The following GAGE10 variants were observed in gnomAD, a reference collection of about 807,000 sequenced individuals.
GAGE10 encodes G antigen 10.
GAGE10 carries 9 observed loss-of-function variants against 11.5 expected under a neutral mutation model. That is an observed-to-expected ratio of 0.78 (90% CI 0.47 to 1.37). GAGE10 has a LOEUF of 1.37. GAGE10 is among the 40% of genes most tolerant of loss of function. The pLI, the probability that GAGE10 is intolerant of heterozygous loss-of-function variation, is 0.00. For synonymous variants in GAGE10, 23 were observed against 29.7 expected (o/e 0.77, Z 0.73); for missense variants, 83 against 92.9 (o/e 0.89, Z 0.44).
In GAGE10 at chrX:49,317,196, T is replaced by G. The variant is rs202030448; in HGVS notation, c.236T>G (p.Val79Gly). ...CCTGAAGCTGATAGCCAGGAACAGGTTCACCCAAAGACTGGGTGTGAGTGT... is the reference window on the plus strand; with the variant it reads ...CCTGAAGCTGATAGCCAGGAACAGGGTCACCCAAAGACTGGGTGTGAGTGT... ...PKPEADSQEQ[V>G]HPKTGCECGD... is the part of the protein sequence containing the mutation. The change falls in exon 4 of 5, where the codon GTT becomes GGT. Residue 79 changes from valine to glycine, a missense_variant. Coordinates refer to ENST00000407599, the MANE Select transcript of GAGE10 (RefSeq NM_001098413.4). 4.6e-5 allele frequency: 55 copies of G among 1,204,633 alleles called. 1 individual carries two copies. In the Admixed American group the frequency reaches 1.0e-3, roughly 22 times the overall value.
intron 3 of GAGE10, among the ~76,000 whole-genome samples, chrX:49,314,288 A>G (rs782240811): frequency 1.8e-5 from 2 of 112,410 alleles, no homozygotes; most frequent in East Asian, 5.6e-4. Context: ...TTAAGAACCT[A>G]CACATACAAC....
chrX:49,306,514 C>G (rs1490113833), intron 3 of GAGE10, among the ~76,000 whole-genome samples: 3 of 112,035 alleles, frequency 2.7e-5, no homozygotes, highest in Non-Finnish European at 5.6e-5. Context: ...GTAAGATTTT[C>G]CATAGTCCTC....
At chrX:49,317,499 C>G (rs781927908) in intron 4 of GAGE10, among the ~76,000 whole-genome samples, 2 of 111,570 alleles carry the variant, frequency 1.8e-5, no homozygotes, top group East Asian at 5.6e-4. Context: ...GGACATACAC[C>G]AATGTGCCCA....
chrX:49,307,302 C>T (rs1239381152), intron 3 of GAGE10, among the ~76,000 whole-genome samples: 1 of 111,514 alleles, frequency 9.0e-6, no homozygotes, highest in Non-Finnish European at 1.9e-5. Flanking sequence ...GTGTTATGAC[C>T]CTTTACACCA....
intron 3 of GAGE10, among the ~76,000 whole-genome samples, chrX:49,315,337 A>G (rs782033014): frequency 2.7e-5 from 3 of 112,239 alleles, no homozygotes; most frequent in Non-Finnish European, 5.6e-5. Flanking sequence ...AAATAGACAC[A>G]AATGTCAAAA....
At chrX:49,319,328 C>A (rs2147990615) in intron 4 of GAGE10, among the ~76,000 whole-genome samples, 2 of 113,232 alleles carry the variant, frequency 1.8e-5, no homozygotes, top group South Asian at 6.9e-4. Context: ...ACGATATAAT[C>A]ATCTCTAATC....
rs185063554 is a variant in GAGE10 at position 49,313,132 on chromosome X, C to A, written c.203-4031C>A. 2.3e-3 allele frequency among the ~76,000 whole-genome samples: 259 copies of A among 112,092 alleles called. 2 individuals are homozygous for A. The highest frequency in any genetic ancestry group is 7.9e-3 in the African/African-American group (243 of 30,859). On this transcript the variant is annotated intron_variant, in intron 3 of 4. Transcript: ENST00000407599. ...AAAGGTGCTACTAAAAGACATCATACCAAGATTTGGGTTGCCTTTAACCCT... is the reference window on the plus strand; with the variant it reads ...AAAGGTGCTACTAAAAGACATCATAACAAGATTTGGGTTGCCTTTAACCCT...
In GAGE10 at chrX:49,303,675, G is replaced by T. The variant is rs1336050505; in HGVS notation, c.-87G>T. ...TCTGCTCAGCCGCTTTACCCACGTG[G>T]AGAACGCCAGGGAGCTGTGAGGGTG... On this transcript the variant is annotated 5_prime_UTR_variant, in exon 1 of 5. Coordinates refer to ENST00000407599, the MANE Select transcript of GAGE10 (RefSeq NM_001098413.4). 1.5e-4 allele frequency: 17 copies of T among 112,955 alleles called. No individual in the cohort carries two copies. Among genetic ancestry groups the T allele is most frequent in the African/African-American group, 4.8e-4 (15 of 31,045 alleles). 9.3% of individuals were successfully genotyped at this position (112,955 alleles called of 1,213,427 possible).
At chrX:49,307,540 G>A (rs1287201497) in intron 3 of GAGE10, among the ~76,000 whole-genome samples, 2 of 108,510 alleles carry the variant, frequency 1.8e-5, no homozygotes, top group Non-Finnish European at 3.8e-5. Flanking sequence ...GTGCAGTAGT[G>A]CAATCTTGGC....
At chrX:49,304,982 A>C in intron 2 of GAGE10, 42 bp downstream of exon 2, 1 of 1,169,718 alleles carries the variant, frequency 8.5e-7, no homozygotes, top group Middle Eastern at 2.7e-4. Context: ...TATTAGCAGA[A>C]ATTAATTTTT....
intron 4 of GAGE10, among the ~76,000 whole-genome samples, chrX:49,318,927 G>A (rs868986110): frequency 5.6e-4 from 56 of 100,502 alleles, no homozygotes; most frequent in Non-Finnish European, 8.8e-4. Flanking sequence ...AGTATTCCAT[G>A]GTGTATATGT....
At chrX:49,307,224 T>TCA (rs1326455839) in intron 3 of GAGE10, among the ~76,000 whole-genome samples, 9 of 110,510 alleles carry the variant, frequency 8.1e-5, no homozygotes, top group East Asian at 2.8e-4. Flanking sequence ...TCCCACACAC[T>TCA]CACACACACA....
chrX:49,317,417 G>A (rs1175605554), intron 4 of GAGE10, 129 bp downstream of exon 4: 7 of 1,012,048 alleles, frequency 6.9e-6, no homozygotes, highest in Admixed American at 5.9e-5. Context: ...GTGGCATCTC[G>A]GCTCATTGGA....
chrX:49,307,099 T>A, intron 3 of GAGE10, among the ~76,000 whole-genome samples: 1 of 111,903 alleles, frequency 8.9e-6, no homozygotes, highest in Admixed American at 9.5e-5. Flanking sequence ...GGCATAACAT[T>A]ATGGAAAATT....
intron 1 of GAGE10, among the ~76,000 whole-genome samples, chrX:49,304,248 C>T (rs5906770): frequency 8.0e-5 from 9 of 111,977 alleles, no homozygotes; most frequent in Non-Finnish European, 1.7e-4. Flanking sequence ...TGAGAAGCAT[C>T]GCAAGATCTC....
chrX:49,304,170 G>T (rs1268921239), intron 1 of GAGE10, among the ~76,000 whole-genome samples: 3 of 111,982 alleles, frequency 2.7e-5, no homozygotes, highest in Non-Finnish European at 3.8e-5. Context: ...ATAAAGAAGG[G>T]ACCTGGCACC....
At chrX:49,304,529 A>G (rs1220895487) in intron 1 of GAGE10, among the ~76,000 whole-genome samples, 1 of 112,601 alleles carries the variant, frequency 8.9e-6, no homozygotes, top group Non-Finnish European at 1.9e-5. Context: ...TCCCTTGAGC[A>G]GGAGGTCGAT....
At chrX:49,305,980 A>G (rs1267713368) in intron 3 of GAGE10, among the ~76,000 whole-genome samples, 1 of 111,783 alleles carries the variant, frequency 8.9e-6, no homozygotes, top group East Asian at 2.8e-4. Context: ...AGCAGCTCCA[A>G]AAACCGAGTC....
Position 49,317,280 on chromosome X carries a change from C to A in GAGE10, c.320C>A (p.Pro107His). The part of the protein sequence containing the change: ...GLPNPEEVKR[P>H]EEGEKQSQC ...CCAAATCCAGAGGAGGTGAAAAGGCCTGAAGAAGGTAGGGAATCCATTAGG... is the reference window on the plus strand; with the variant it reads ...CCAAATCCAGAGGAGGTGAAAAGGCATGAAGAAGGTAGGGAATCCATTAGG... Residue 107 changes from proline (P) to histidine (H), a missense_variant, in exon 4 of 5, where the codon CCT (proline) becomes CAT (histidine). Transcript: ENST00000407599. The A allele has an allele frequency of 3.3e-6, 4 of 1,205,646 alleles. No homozygotes were observed. The highest frequency in any genetic ancestry group is 4.4e-5 in the Admixed American group (2 of 45,786).
Sources: gnomAD v4.1 joint callset for allele counts (sites outside exome capture counted in the v4.1 genomes callset) on GRCh38, gnomAD v4.1.1 for gene constraint, MANE v1.5 for transcripts, NCBI Gene and HGNC (gene_info 2026-07-23, HGNC 2026-07-21) for gene names.